The following ZNF107 variants were observed in gnomAD, a reference collection of about 807,000 sequenced individuals.
ZNF107 encodes the protein C2H2 type zinc-finger protein.
A neutral mutation model predicts 12.3 loss-of-function variants in ZNF107; 19 were observed. The ratio of observed to expected loss-of-function variants is 1.55; its 90% CI spans 1.08 to 2.27. The LOEUF (loss-of-function observed/expected upper bound fraction) is 2.27. ZNF107 is among the 30% of genes most tolerant of loss of function. The probability of loss-of-function intolerance (pLI) is 0.00; values close to 1 mark genes in which losing one functional copy is unlikely to be tolerated. For synonymous variants in ZNF107, 317 were observed against 330.5 expected, an observed-to-expected ratio of 0.96 and a Z score of 0.44; for missense variants, 958 against 979.9, an observed-to-expected ratio of 0.98 and a Z score of 0.30.
chr7:64,683,728 T>C (rs1789782144), intron 1 of ZNF107, among the ~76,000 whole-genome samples: 1 of 152,212 alleles, frequency 6.6e-6, no homozygotes, highest in African/African-American at 2.4e-5. Flanking sequence ...TAATGTTCTG[T>C]CTGCCACTCC....
intron 3 of ZNF107, among the ~76,000 whole-genome samples, chr7:64,705,175 T>C (rs1457667919): frequency 2.0e-5 from 3 of 152,180 alleles, no homozygotes; most frequent in Admixed American, 6.5e-5. Context: ...CATCTTGCAG[T>C]TCGCAAGATT....
At chr7:64,703,206 ACT>A (rs565820510) in intron 3 of ZNF107, among the ~76,000 whole-genome samples, 130 of 152,314 alleles carry the variant, frequency 8.5e-4, no homozygotes, top group Non-Finnish European at 1.4e-3. Context: ...ACAATATTTA[ACT>A]CTGCAATTTA....
chr7:64,701,418 T>G (rs1018105445), intron 3 of ZNF107, among the ~76,000 whole-genome samples: 2 of 149,176 alleles, frequency 1.3e-5, no homozygotes, highest in African/African-American at 4.9e-5. Context: ...TGTGCCACCA[T>G]GCCTGGCTAA....
intron 3 of ZNF107, among the ~76,000 whole-genome samples, chr7:64,703,753 G>C (rs1288407961): frequency 6.6e-6 from 1 of 151,956 alleles, no homozygotes; most frequent in African/African-American, 2.4e-5. Flanking sequence ...TGATTTTATA[G>C]ATATTTAAAT....
chr7:64,695,811 A>C (rs2128964404), intron 3 of ZNF107, among the ~76,000 whole-genome samples: 1 of 152,300 alleles, frequency 6.6e-6, no homozygotes, highest in Non-Finnish European at 1.5e-5. Flanking sequence ...TGAGAGAAAC[A>C]GTTTTGTGAT....
intron 1 of ZNF107, among the ~76,000 whole-genome samples, chr7:64,669,675 C>T (rs1272746449): frequency 6.6e-6 from 1 of 152,022 alleles, no homozygotes; most frequent in Non-Finnish European, 1.5e-5. Flanking sequence ...GTAGTCTTAG[C>T]TACTCGGTAG....
chr7:64,707,809 G>A lies in ZNF107; in HGVS notation c.1712G>A (p.Gly571Glu). ...GEKPYKCEEC[G>E]KAFNQSYQLT... ...AAACCCTATAAATGTGAAGAATGTG[G>A]AAAAGCCTTTAATCAATCCTATCAA... is the stretch of plus-strand genomic sequence containing the variant. Residue 571 changes from glycine (G) to glutamate (E), a missense_variant, in exon 4 of 4, where the codon GGA (glycine) becomes GAA (glutamate). Coordinates refer to ENST00000620827, the MANE Select transcript of ZNF107 (RefSeq NM_001282359.2). 1 of 1,611,902 alleles carries A rather than the reference G, an allele frequency of 6.2e-7. No homozygotes were observed. The highest frequency in any genetic ancestry group is 8.5e-7 in the Non-Finnish European group (1 of 1,179,358).
At chr7:64,681,526 C>T (rs536884479) in intron 1 of ZNF107, among the ~76,000 whole-genome samples, 1 of 152,176 alleles carries the variant, frequency 6.6e-6, no homozygotes, top group South Asian at 2.1e-4. Context: ...CTTCACCATC[C>T]CCACAAGCTC....
At chr7:64,686,493 G>T (rs1030675599) in intron 1 of ZNF107, 2 of 984,902 alleles carry the variant, frequency 2.0e-6, no homozygotes, top group Non-Finnish European at 2.4e-6. Context: ...CCCAAGTCCC[G>T]CTCGAAGAAT....
At chr7:64,666,387 C>G in intron 1 of ZNF107, 102 bp downstream of exon 1, 1 of 1,495,018 alleles carries the variant, frequency 6.7e-7, no homozygotes, top group South Asian at 1.2e-5. Context: ...TCCGCGGCCC[C>G]AAGTTCTCCT....
intron 1 of ZNF107, among the ~76,000 whole-genome samples, chr7:64,673,641 T>C (rs1272311888): frequency 1.3e-5 from 2 of 152,258 alleles, no homozygotes; most frequent in African/African-American, 4.8e-5. Context: ...ATGAAATCTC[T>C]GTCAGTTTCT....
intron 1 of ZNF107, chr7:64,679,085 G>A (rs7804972): frequency 0.34 from 93,004 of 277,180 alleles, 16,724 homozygotes; most frequent in Non-Finnish European, 0.35. Flanking sequence ...TTGAAGAGAC[G>A]ACCCAAGCAG....
intron 3 of ZNF107, among the ~76,000 whole-genome samples, chr7:64,692,562 C>T (rs1255465325): frequency 6.6e-6 from 1 of 151,936 alleles, no homozygotes; most frequent in East Asian, 1.9e-4. Flanking sequence ...AAAATAATGC[C>T]ACTGGAATTT....
chr7:64,708,054 G>A lies in ZNF107; in HGVS notation c.1957G>A (p.Glu653Lys). The A allele has an allele frequency of 6.2e-7, 1 of 1,613,418 alleles. No homozygotes were observed. Among genetic ancestry groups the A allele is most frequent in the Non-Finnish European group, 8.5e-7 (1 of 1,179,688 alleles). ...TGGAGAGAACCTCTACAAATTTGAA[G>A]AACATGGAAAAGCTTTTAACCTATT... is the stretch of plus-strand genomic sequence containing the variant. ...HTGENLYKFE[E>K]HGKAFNLFSN... The change falls in exon 4 of 4, where the codon GAA becomes AAA. Residue 653 changes from glutamate to lysine, a missense_variant. Coordinates refer to ENST00000620827, the MANE Select transcript of ZNF107 (RefSeq NM_001282359.2).
In ZNF107 at chr7:64,707,819, TAATC is replaced by T. The variant is rs767610535; in HGVS notation, c.1727_1730del (p.Gln576ProfsTer9). ...AATGTGAAGAATGTGGAAAAGCCTT[TAATC>T]AATCCTATCAACTTACTAGACATAA... On this transcript the variant is annotated frameshift_variant, in exon 4 of 4. Transcript: ENST00000620827. LOFTEE classifies it low-confidence loss of function (END_TRUNC). 1.3e-5 allele frequency: 21 copies of T among 1,611,888 alleles called. No individual in the cohort carries two copies. In the East Asian group the frequency reaches 3.6e-4, roughly 27 times the overall value.
chr7:64,707,771 T>G lies in ZNF107; in HGVS notation c.1674T>G (p.Ile558Met), dbSNP rs749951056. The change falls in exon 4 of 4, where the codon ATT (isoleucine) becomes ATG (methionine). Residue 558 changes from isoleucine to methionine, a missense_variant. By Grantham distance (10) the Ile-to-Met change is conservative. Transcript: ENST00000620827. ...CAACCCTTACTAAACATAAGAGAAT[T>G]CATACTGGAGAAAAACCCTATAAAT... ...RFSTLTKHKRIHTGEKPYKCE... is the reference protein window; with the variant it reads ...RFSTLTKHKRMHTGEKPYKCE... 6.2e-7 allele frequency: 1 copy of G among 1,611,886 alleles called. No homozygotes were observed. Among genetic ancestry groups the G allele is most frequent in the African/African-American group, 1.3e-5 (1 of 74,736 alleles).
intron 1 of ZNF107, among the ~76,000 whole-genome samples, chr7:64,675,977 G>A (rs1356008274): frequency 6.6e-6 from 1 of 152,106 alleles, no homozygotes; most frequent in African/African-American, 2.4e-5. Flanking sequence ...TCAGCCTCCT[G>A]AGTAGCTGGG....
At chr7:64,690,346 TA>T in intron 1 of ZNF107, 3 of 983,530 alleles carry the variant, frequency 3.1e-6, no homozygotes, top group Non-Finnish European at 3.6e-6. Flanking sequence ...ATATAGGGTT[TA>T]CTCCCAGCTG....
At position 64,707,586 on chromosome 7, in the gene ZNF107, A is replaced by G. The variant is rs1790710780; in HGVS notation, c.1489A>G (p.Thr497Ala). 4.3e-6 allele frequency: 7 copies of G among 1,613,002 alleles called. No individual in the cohort carries two copies. Among genetic ancestry groups the G allele is most frequent in the Non-Finnish European group, 5.9e-6 (7 of 1,179,582 alleles). ...AGCTTTTAATCGATCCTCAACCCTT[A>G]CTAGACATAAGAAAATTCATACTGG... ...GKAFNRSSTL[T>A]RHKKIHTGEK... The change falls in exon 4 of 4, where the codon ACT (threonine) becomes GCT (alanine). Residue 497 changes from threonine (T) to alanine (A), a missense_variant. Transcript: ENST00000620827.
Sources: allele counts gnomAD v4.1 joint callset (sites outside exome capture counted in the v4.1 genomes callset), GRCh38; gene constraint gnomAD v4.1.1; transcripts MANE v1.5; gene names NCBI Gene and HGNC (gene_info 2026-07-23, HGNC 2026-07-21).